Variants in VRK2 observed in about 807,000 individuals in gnomAD.
The protein encoded by VRK2 is serine/threonine-protein kinase VRK2.
VRK2 carries 60 observed loss-of-function variants against 57.6 expected under a neutral mutation model. That is an observed-to-expected ratio of 1.04 (90% CI 0.85 to 1.29). The LOEUF is 1.29. Among genes scored for constraint, VRK2 ranks in the 50% most tolerant of loss-of-function variants. The pLI, the probability that VRK2 is intolerant of heterozygous loss-of-function variation, is 0.00. For missense variants in VRK2, 705 were observed against 588.1 expected (o/e 1.20, Z -2.06); for synonymous variants, 231 against 199.2 (o/e 1.16, Z -1.35).
chr2:58,153,150 TTATGA>T (rs1683307472), intron 12 of VRK2, among the ~76,000 whole-genome samples: 2 of 152,058 alleles, frequency 1.3e-5, no homozygotes. Context: ...AAATCAAATC[TTATGA>T]TATGTAACTT....
intron 12 of VRK2, chr2:58,147,148 G>GA: frequency 1.9e-6 from 1 of 518,004 alleles, no homozygotes; most frequent in Non-Finnish European, 3.9e-6. Context: ...ACCTAATCAA[G>GA]AAAAATTGAT....
chr2:58,041,041 A>G (rs1425704992), intron 3 of VRK2: 2 of 985,082 alleles, frequency 2.0e-6, no homozygotes, highest in African/African-American at 3.5e-5. Flanking sequence ...TATCCAGCTC[A>G]TGTTTTTGGT....
chr2:58,082,146 G>T (rs891439326), intron 2 of VRK2, among the ~76,000 whole-genome samples: 1 of 151,712 alleles, frequency 6.6e-6, no homozygotes, highest in Non-Finnish European at 1.5e-5. Context: ...TGACCGTAGA[G>T]ATTTTCAGGT....
chr2:57,926,950 T>C (rs1224071420), intron 1 of VRK2, among the ~76,000 whole-genome samples: 1 of 151,604 alleles, frequency 6.6e-6, no homozygotes, highest in African/African-American at 2.4e-5. Flanking sequence ...TTTCTTCCTG[T>C]CTTCCTTTTA....
chr2:57,938,100 G>T (rs1314791325), intron 1 of VRK2, among the ~76,000 whole-genome samples: 1 of 152,070 alleles, frequency 6.6e-6, no homozygotes, highest in Non-Finnish European at 1.5e-5. Context: ...AAAGTGCTGG[G>T]ATTAATGGCG....
chr2:58,083,929 A>G (rs948534462), intron 2 of VRK2, among the ~76,000 whole-genome samples, 160 bp from the exon 3 acceptor site: 2 of 151,876 alleles, frequency 1.3e-5, no homozygotes, highest in African/African-American at 4.8e-5. Context: ...AGCATCTTGT[A>G]TAAAATGGAG....
chr2:57,947,279 G>C (rs1671291399), intron 1 of VRK2, among the ~76,000 whole-genome samples: 1 of 152,104 alleles, frequency 6.6e-6, no homozygotes, highest in Non-Finnish European at 1.5e-5. Flanking sequence ...TCTATAGAAT[G>C]ATTCCCTTCA....
intron 12 of VRK2, 29 bp downstream of exon 12, chr2:58,146,503 C>G (rs778675950): frequency 1.3e-6 from 2 of 1,591,568 alleles, no homozygotes; most frequent in Non-Finnish European, 1.7e-6. Context: ...TGTGTTTTTT[C>G]TAACTTAATG....
rs576065602 is a variant in VRK2 at position 57,928,614 on chromosome 2, G to A, written c.-439+20775G>A. On this transcript the variant is annotated intron_variant, in intron 1 of 15. Coordinates refer to the VRK2 transcript ENST00000417641. ...CTTGTGGATATTTGTCAGTTTCTCA[G>A]CATTCAAGAGTTAAATATTTATTGT... Among the ~76,000 whole-genome samples, 18 of 152,234 alleles carry A rather than the reference G, an allele frequency of 1.2e-4. No individual in the cohort carries two copies. The South Asian group carries it at 3.7e-3, about 32-fold the overall frequency.
At chr2:58,119,297 A>T (rs1237531909) in intron 7 of VRK2, among the ~76,000 whole-genome samples, 2 of 151,526 alleles carry the variant, frequency 1.3e-5, no homozygotes, top group African/African-American at 4.9e-5. Context: ...CAGGAGTTCG[A>T]GACCAGCCTG....
intron 1 of VRK2, among the ~76,000 whole-genome samples, chr2:58,025,314 G>A (rs1043006147): frequency 6.6e-6 from 1 of 151,582 alleles, no homozygotes; most frequent in Non-Finnish European, 1.5e-5. Context: ...AATTAGAACT[G>A]GGCCTGCCAT....
chr2:58,110,920 A>G (rs1675468634), intron 7 of VRK2, among the ~76,000 whole-genome samples: 1 of 152,188 alleles, frequency 6.6e-6, no homozygotes, highest in African/African-American at 2.4e-5. Context: ...TCCATGATCA[A>G]CTGCCCAGGA....
At chr2:58,006,517 A>C (rs546457319) in intron 1 of VRK2, among the ~76,000 whole-genome samples, 273 of 152,318 alleles carry the variant, frequency 1.8e-3, no homozygotes, top group Middle Eastern at 0.014. Flanking sequence ...TAAATTTGTA[A>C]GTGAAGCCTC....
intron 1 of VRK2, among the ~76,000 whole-genome samples, chr2:57,997,586 T>C (rs1226341265): frequency 6.6e-6 from 1 of 152,180 alleles, no homozygotes. Flanking sequence ...CAATAGATAA[T>C]GCTTAAATGT....
chr2:58,050,990 A>C (rs1367201049), intron 2 of VRK2, among the ~76,000 whole-genome samples: 1 of 151,980 alleles, frequency 6.6e-6, no homozygotes, highest in Admixed American at 6.6e-5. Context: ...GACTACAGGC[A>C]CCTGCCACCC....
At chr2:57,968,456 G>A (rs950506146) in intron 1 of VRK2, among the ~76,000 whole-genome samples, 1 of 151,974 alleles carries the variant, frequency 6.6e-6, no homozygotes, top group Non-Finnish European at 1.5e-5. Flanking sequence ...TGATTCTTTA[G>A]TGTAAGGCTA....
At chr2:58,050,011 A>T (rs1572850152) in intron 2 of VRK2, among the ~76,000 whole-genome samples, 1 of 152,334 alleles carries the variant, frequency 6.6e-6, no homozygotes, top group East Asian at 1.9e-4. Context: ...ACCCATTTAA[A>T]GGGTTTGAAC....
At chr2:58,003,471 A>G (rs1212381616) in intron 1 of VRK2, among the ~76,000 whole-genome samples, 1 of 152,146 alleles carries the variant, frequency 6.6e-6, no homozygotes, top group Non-Finnish European at 1.5e-5. Flanking sequence ...TTACATTATC[A>G]GTTAATGTCT....
intron 1 of VRK2, among the ~76,000 whole-genome samples, chr2:58,020,255 G>C (rs370563492): frequency 6.6e-6 from 1 of 152,128 alleles, no homozygotes; most frequent in Non-Finnish European, 1.5e-5. Context: ...CTGTTGTCCC[G>C]GCCTGGAGGG....
Sources: gnomAD v4.1 joint callset for allele counts (sites outside exome capture counted in the v4.1 genomes callset) on GRCh38, gnomAD v4.1.1 for gene constraint, MANE v1.5 for transcripts, NCBI Gene and HGNC (gene_info 2026-07-23, HGNC 2026-07-21) for gene names.